The following KLKB1 variants were observed in gnomAD, a reference collection of about 807,000 sequenced individuals.
KLKB1 encodes the protein kallikrein B1.
Under a neutral mutation model 73.6 loss-of-function variants are expected in KLKB1, and 58 were observed. That is an observed-to-expected ratio of 0.79 (90% CI 0.64 to 0.98). The LOEUF (loss-of-function observed/expected upper bound fraction) is 0.98, where lower values mean the gene tolerates loss of function less well. Ranked by LOEUF, KLKB1 falls within the 50% of genes least tolerant of loss-of-function variation. The pLI is 0.00. For synonymous variants in KLKB1, 280 were observed against 258.1 expected, an observed-to-expected ratio of 1.08 and a Z score of -0.81; for missense variants, 737 against 763.8, an observed-to-expected ratio of 0.96 and a Z score of 0.41.
chr4:186,224,941 C>T (rs1385477708), upstream of KLKB1, among the ~76,000 whole-genome samples: 1 of 152,142 alleles, frequency 6.6e-6, no homozygotes, highest in African/African-American at 2.4e-5. Context: ...GAGGTGGTTT[C>T]CCCTGTGCTG....
In KLKB1 at chr4:186,251,739, T is replaced by C; in HGVS notation, c.1032-10T>C. The C allele has an allele frequency of 6.2e-7, 1 of 1,609,510 alleles. No homozygotes were observed. The highest frequency in any genetic ancestry group is 8.5e-7 in the Non-Finnish European group (1 of 1,175,764). ...GAAGGCTTACTCTTTCTACTGTTCA[T>C]TTCATCTAGGTGTAAGTGTTTCTTA... On this transcript the variant is annotated splice_polypyrimidine_tract_variant and intron_variant, in intron 9 of 14. Transcript: ENST00000264690.
chr4:186,258,173 G>C lies in KLKB1; in HGVS notation c.1878G>C (p.Gln626His), dbSNP rs1580049652. The change falls in exon 15 of 15, where the codon CAG becomes CAC. Residue 626 changes from glutamine to histidine, a missense_variant. Gln to His is a conservative substitution (Grantham distance 24). Coordinates refer to ENST00000264690, the MANE Select transcript of KLKB1 (RefSeq NM_000892.5). ...EYMDWILEKT[Q>H]SSDGKAQMQS... ...TGGACTGGATTTTAGAGAAAACACA[G>C]AGCAGTGATGGAAAAGCTCAGATGC... 1.2e-6 allele frequency: 2 copies of C among 1,614,074 alleles called. No individual in the cohort carries two copies. Among genetic ancestry groups the C allele is most frequent in the African/African-American group, 1.3e-5 (1 of 74,924 alleles).
At chr4:186,214,776 G>T (rs1482703445) in intron 2 of KLKB1, among the ~76,000 whole-genome samples, 1 of 152,178 alleles carries the variant, frequency 6.6e-6, no homozygotes, top group African/African-American at 2.4e-5. Context: ...TACTAAAATG[G>T]ACTCGTTGCA....
At chr4:186,214,548 C>T (rs1231171432) in intron 2 of KLKB1, among the ~76,000 whole-genome samples, 1 of 152,168 alleles carries the variant, frequency 6.6e-6, no homozygotes, top group African/African-American at 2.4e-5. Flanking sequence ...TAAGAAAATG[C>T]AGAGTTTTCT....
At chr4:186,224,865 G>A (rs573330810), upstream of KLKB1, among the ~76,000 whole-genome samples, 18 of 152,178 alleles carry the variant, frequency 1.2e-4, no homozygotes, top group East Asian at 1.9e-4. Context: ...TCCAAATCTC[G>A]TCTTGAATTG....
upstream of KLKB1, among the ~76,000 whole-genome samples, chr4:186,222,606 C>A (rs1184109934): frequency 6.6e-6 from 1 of 152,156 alleles, no homozygotes; most frequent in African/African-American, 2.4e-5. Context: ...GTTGTGTATT[C>A]ATTAGCAAAT....
intron 2 of KLKB1, among the ~76,000 whole-genome samples, 200 bp downstream of exon 2, chr4:186,228,453 C>T (rs1737249727): frequency 6.6e-6 from 1 of 152,080 alleles, no homozygotes; most frequent in Non-Finnish European, 1.5e-5. Context: ...ATGTTGCAGA[C>T]CAGAGGAAGG....
At chr4:186,228,296 G>C (rs1737241414) in intron 2 of KLKB1, 43 bp downstream of exon 2, 1 of 1,344,610 alleles carries the variant, frequency 7.4e-7, no homozygotes, top group Non-Finnish European at 1.1e-6. Context: ...GGCTAAGACA[G>C]GAGTAGCCAA....
chr4:186,244,967 G>T (rs1213045727), intron 6 of KLKB1, among the ~76,000 whole-genome samples: 1 of 152,106 alleles, frequency 6.6e-6, no homozygotes, highest in Non-Finnish European at 1.5e-5. Context: ...ATTAAGGTGG[G>T]GACACACAAG....
chr4:186,251,406 C>T, intron 8 of KLKB1, 78 bp downstream of exon 8: 15 of 1,523,284 alleles, frequency 9.8e-6, no homozygotes, highest in Non-Finnish European at 1.3e-5. Context: ...ATGAAACAAT[C>T]CTCAAGGTAA....
chr4:186,229,536 A>G (rs997985591), intron 2 of KLKB1, among the ~76,000 whole-genome samples: 4 of 152,058 alleles, frequency 2.6e-5, no homozygotes, highest in African/African-American at 9.7e-5. Flanking sequence ...GCTCTTATTC[A>G]GTTATTTCTG....
intron 4 of KLKB1, 24 bp from the exon 5 acceptor site, chr4:186,236,757 G>T: frequency 6.2e-7 from 1 of 1,612,154 alleles, no homozygotes; most frequent in Non-Finnish European, 8.5e-7. Context: ...GACTGTATTT[G>T]CTCTATGTAT....
At chr4:186,238,785 C>G (rs1737842615) in intron 6 of KLKB1, among the ~76,000 whole-genome samples, 1 of 152,210 alleles carries the variant, frequency 6.6e-6, no homozygotes, top group Admixed American at 6.5e-5. Context: ...CCCAGTAAGA[C>G]CCAATCTCTA....
At chr4:186,247,552 T>C (rs1738420613) in intron 6 of KLKB1, among the ~76,000 whole-genome samples, 1 of 152,208 alleles carries the variant, frequency 6.6e-6, no homozygotes, top group Non-Finnish European at 1.5e-5. Flanking sequence ...CATCTGGATG[T>C]ATGCATGTAG....
At chr4:186,224,420 G>T (rs913441711), upstream of KLKB1, among the ~76,000 whole-genome samples, 8 of 152,250 alleles carry the variant, frequency 5.3e-5, no homozygotes, top group Admixed American at 3.9e-4. Context: ...AAGCCACAGG[G>T]ACAGAGCTGC....
intron 6 of KLKB1, among the ~76,000 whole-genome samples, chr4:186,245,771 G>A (rs2126657341): frequency 6.7e-6 from 1 of 148,854 alleles, no homozygotes; most frequent in South Asian, 2.1e-4. Context: ...GTCCTCTTGT[G>A]GGGTTTGAGG....
At chr4:186,246,439 C>G (rs1410903199) in intron 6 of KLKB1, among the ~76,000 whole-genome samples, 1 of 152,124 alleles carries the variant, frequency 6.6e-6, no homozygotes, top group Non-Finnish European at 1.5e-5. Flanking sequence ...GCACCTCAGA[C>G]CGTTTGCCCA....
chr4:186,247,627 C>T (rs929878711), intron 6 of KLKB1, among the ~76,000 whole-genome samples: 39 of 152,164 alleles, frequency 2.6e-4, no homozygotes, highest in African/African-American at 8.7e-4. Flanking sequence ...CATACATACA[C>T]TTTGGAAAAG....
chr4:186,235,349 T>TCAC (rs1737609160), intron 4 of KLKB1, among the ~76,000 whole-genome samples: 1 of 50,614 alleles, frequency 2.0e-5, no homozygotes, highest in South Asian at 4.0e-4. Flanking sequence ...TTTTAATGTT[T>TCAC]TTTAAAGTGA....
Sources: allele counts gnomAD v4.1 joint callset (sites outside exome capture counted in the v4.1 genomes callset), GRCh38; gene constraint gnomAD v4.1.1; transcripts MANE v1.5; gene names NCBI Gene and HGNC (gene_info 2026-07-23, HGNC 2026-07-21).